MRGPRX2: variants seen among roughly 807,000 people sequenced by gnomAD.
The protein encoded by MRGPRX2 is MAS related GPR family member X2.
For synonymous variants in MRGPRX2, 183 were observed against 175.6 expected (o/e 1.04, Z -0.33); for missense variants, 389 against 404.5 (o/e 0.96, Z 0.33).
rs1465869357 is a variant in MRGPRX2, at chr11:19,057,889, C to G, written c.-25-1462G>C. Among the ~76,000 whole-genome samples the G allele has an allele frequency of 2.0e-5, 3 of 152,310 alleles. No homozygotes were observed. In the South Asian group the frequency reaches 6.2e-4, roughly 32 times the overall value. On this transcript the variant is annotated intron_variant, in intron 1 of 1. Coordinates refer to ENST00000329773, the MANE Select transcript of MRGPRX2 (RefSeq NM_054030.4). ...AGGTCTCACAAACAAGTGGTAGAGCCTGCATTTGAACCCACAGGTCTGTGT... is the reference window on the plus strand; with the variant it reads ...AGGTCTCACAAACAAGTGGTAGAGCGTGCATTTGAACCCACAGGTCTGTGT...
At position 19,055,710 on chromosome 11, in the gene MRGPRX2, C is replaced by T; in HGVS notation, c.693G>A (p.Val231=). 1.2e-6 allele frequency: 2 copies of T among 1,614,218 alleles called. No individual in the cohort carries two copies. The highest frequency in any genetic ancestry group is 1.7e-6 in the Non-Finnish European group (2 of 1,180,040). The change falls in exon 2 of 2, where the codon GTG becomes GTA. Residue 231 remains valine, a synonymous_variant. Transcript: ENST00000329773. The part of the protein sequence containing the change: ...LYLTILLTVL[V]FLLCGLPFGI... ...CAAAGGGCAGGCCGCAGAGGAGGAA[C>T]ACCAGCACTGTGAGCAGGATGGTCA...
At chr11:19,057,727 A>G (rs1849632294) in intron 1 of MRGPRX2, among the ~76,000 whole-genome samples, 1 of 152,254 alleles carries the variant, frequency 6.6e-6, no homozygotes, top group African/African-American at 2.4e-5. Flanking sequence ...AATGGGGTGA[A>G]TAATAGCAGC....
chr11:19,055,256 G>A lies in MRGPRX2; in HGVS notation c.*154C>T, dbSNP rs980537728. ...CAGTTCCAGAGACACTGCACTTAGT[G>A]TTTGTTTCATAGGCACTGTCTCACT... On this transcript the variant is annotated 3_prime_UTR_variant, in exon 2 of 2. Transcript: ENST00000329773. The A allele has an allele frequency of 4.2e-5, 32 of 757,298 alleles. No individual in the cohort carries two copies. The African/African-American group carries it at 5.2e-4, about 12-fold the overall frequency. 46.9% of individuals were successfully genotyped at this position (757,298 alleles called of 1,614,324 possible). A position where few individuals can be genotyped will look rare whatever the true frequency, so the allele number is the denominator to read the frequency against.
intron 1 of MRGPRX2, among the ~76,000 whole-genome samples, chr11:19,057,455 AGGAG>A (rs1428418075): frequency 6.6e-6 from 1 of 152,168 alleles, no homozygotes. Context: ...ATTTGGGAAA[AGGAG>A]AGAGAGGCAG....
In MRGPRX2 at chr11:19,056,114, T is replaced by C; in HGVS notation, c.289A>G (p.Ile97Val). 6.2e-7 allele frequency: 1 copy of C among 1,614,108 alleles called. No homozygotes were observed. Among genetic ancestry groups the C allele is most frequent in the Non-Finnish European group, 8.5e-7 (1 of 1,180,020 alleles). The part of the protein sequence containing the change: ...LVYLSNFFCS[I>V]SINFPSFFTT... ...AAGAAGCTAGGGAAATTGATGGAGA[T>C]GGAACAGAAGAAGTTACTGAGGTAC... Residue 97 changes from isoleucine to valine, a missense_variant, in exon 2 of 2, where the codon ATC (isoleucine) becomes GTC (valine). Coordinates refer to ENST00000329773, the MANE Select transcript of MRGPRX2 (RefSeq NM_054030.4).
Position 19,055,159 on chromosome 11 carries a change from A to C in MRGPRX2, c.*251T>G. ...TTCTGCGAAAGGTAGGATTCATTAA[A>C]AGTGGGAACAGTCATGGACCGCAGA... is the stretch of plus-strand genomic sequence containing the variant. On this transcript the variant is annotated 3_prime_UTR_variant, in exon 2 of 2. Transcript: ENST00000329773. 1 of 403,554 alleles carries C rather than the reference A, an allele frequency of 2.5e-6. No homozygotes were observed. The highest frequency in any genetic ancestry group is 3.9e-5 in the Admixed American group (1 of 25,874). The allele number at this position is 403,554 out of a possible 1,614,324, so 25.0% of individuals were successfully genotyped here. A position where few individuals can be genotyped will look rare whatever the true frequency, so the allele number is the denominator to read the frequency against.
chr11:19,055,668 T>C lies in MRGPRX2; in HGVS notation c.735A>G (p.Leu245=), dbSNP rs756987814. ...CAGAATCCTTCCAGATCCATAATATTAGGAACCACTGAATGCCAAAGGGCA... is the reference window on the plus strand; with the variant it reads ...CAGAATCCTTCCAGATCCATAATATCAGGAACCACTGAATGCCAAAGGGCA... ...CGLPFGIQWF[L]ILWIWKDSDV... The change falls in exon 2 of 2, where the codon CTA becomes CTG. Residue 245 remains leucine (L), a synonymous_variant. Coordinates refer to ENST00000329773, the MANE Select transcript of MRGPRX2 (RefSeq NM_054030.4). 2 of 1,614,072 alleles carry C rather than the reference T, an allele frequency of 1.2e-6. No individual in the cohort carries two copies. Among genetic ancestry groups the C allele is most frequent in the Non-Finnish European group, 8.5e-7 (1 of 1,180,018 alleles).
Position 19,055,377 on chromosome 11 carries a change from C to T in MRGPRX2, c.*33G>A, listed in dbSNP as rs368447192. 1 of 1,569,626 alleles carries T rather than the reference C, an allele frequency of 6.4e-7. No homozygotes were observed. Among genetic ancestry groups the T allele is most frequent in the Non-Finnish European group, 8.7e-7 (1 of 1,155,226 alleles). On this transcript the variant is annotated 3_prime_UTR_variant, in exon 2 of 2. Coordinates refer to ENST00000329773, the MANE Select transcript of MRGPRX2 (RefSeq NM_054030.4). ...GGGGCAAAGTTGCCTCTCAAAGCCA[C>T]ATATATCTGATGGAAGTAGAGGCTG...
Position 19,055,450 on chromosome 11 carries a change from C to CG in MRGPRX2, c.952dup (p.Arg318ProfsTer40). On this transcript the variant is annotated frameshift_variant, in exon 2 of 2. Transcript: ENST00000329773. LOFTEE classifies it low-confidence loss of function (END_TRUNC). ...TCTCGACATCTCCGGGGTGCCCTGA[C>CG]GGAAGCATCCTTCACTGTGATCCAC... is the stretch of plus-strand genomic sequence containing the variant. 2 of 1,610,890 alleles carry CG rather than the reference C, an allele frequency of 1.2e-6. No homozygotes were observed. The highest frequency in any genetic ancestry group is 4.5e-5 in the East Asian group (2 of 44,784).
intron 1 of MRGPRX2, among the ~76,000 whole-genome samples, chr11:19,060,191 T>A (rs1038468622): frequency 4.6e-5 from 7 of 152,228 alleles, no homozygotes; most frequent in Non-Finnish European, 1.0e-4. Flanking sequence ...GTCTCTTCAC[T>A]AAACTCCTCT....
rs753004190 is a variant in MRGPRX2 at position 19,055,392 on chromosome 11, A to G, written c.*18T>C. ...CTCAAAGCCACATATATCTGATGGA[A>G]GTAGAGGCTGTCCATCTCTACACCA... On this transcript the variant is annotated 3_prime_UTR_variant, in exon 2 of 2. Transcript: ENST00000329773. 6.2e-5 allele frequency: 98 copies of G among 1,585,922 alleles called. No homozygotes were observed. Among genetic ancestry groups the G allele is most frequent in the Non-Finnish European group, 8.4e-5 (97 of 1,161,602 alleles).
intron 1 of MRGPRX2, among the ~76,000 whole-genome samples, chr11:19,059,694 G>A (rs538395684): frequency 7.6e-6 from 1 of 131,678 alleles, no homozygotes; most frequent in African/African-American, 2.5e-5. Flanking sequence ...CTGAGAAGAG[G>A]CTATGGGAAG....
chr11:19,059,124 G>C (rs948120485), intron 1 of MRGPRX2, among the ~76,000 whole-genome samples: 1 of 152,286 alleles, frequency 6.6e-6, no homozygotes, highest in Admixed American at 6.5e-5. Flanking sequence ...TAATAATTCT[G>C]AGTCTTAGAT....
At position 19,055,475 on chromosome 11, in the gene MRGPRX2, C is replaced by G; in HGVS notation, c.928G>C (p.Val310Leu). 8 of 1,614,044 alleles carry G rather than the reference C, an allele frequency of 5.0e-6. No individual in the cohort carries two copies. The highest frequency in any genetic ancestry group is 6.8e-6 in the Non-Finnish European group (8 of 1,179,890). The change falls in exon 2 of 2, where the codon GTG becomes CTG. Residue 310 changes from valine to leucine, a missense_variant. Val to Leu is a conservative substitution (Grantham distance 32, BLOSUM62 1). Coordinates refer to ENST00000329773, the MANE Select transcript of MRGPRX2 (RefSeq NM_054030.4). ...LQRALQDIAE[V>L]DHSEGCFRQG... is the part of the protein sequence containing the mutation. ...CGGAAGCATCCTTCACTGTGATCCA[C>G]CTCAGCAATGTCCTGCAGAGCCCTC...
rs1026308961 is a variant in MRGPRX2 at position 19,055,201 on chromosome 11, T to C, written c.*209A>G. ...GACCGCAGAGTTGGCAAAGCTCTCA[T>C]AGGGCTGTGGTGGAAGCCTGTGAGT... On this transcript the variant is annotated 3_prime_UTR_variant, in exon 2 of 2. Coordinates refer to ENST00000329773, the MANE Select transcript of MRGPRX2 (RefSeq NM_054030.4). 56 of 543,590 alleles carry C rather than the reference T, an allele frequency of 1.0e-4. No homozygotes were observed. The highest frequency in any genetic ancestry group is 9.4e-5 in the Admixed American group (3 of 31,894). The allele number at this position is 543,590 out of a possible 1,614,324, so 33.7% of individuals were successfully genotyped here.
intron 1 of MRGPRX2, among the ~76,000 whole-genome samples, chr11:19,057,938 C>T (rs1849633711): frequency 6.6e-6 from 1 of 152,216 alleles, no homozygotes; most frequent in Admixed American, 6.5e-5. Context: ...CTTAACCAGC[C>T]TTGCAGCCCC....
At position 19,056,094 on chromosome 11, in the gene MRGPRX2, G is replaced by A; in HGVS notation, c.309C>T (p.Ser103=). ...FFCSISINFP[S]FFTTVMTCAY... is the part of the protein sequence containing the mutation. ...CACAGGTCATCACAGTGGTGAAGAA[G>A]CTAGGGAAATTGATGGAGATGGAAC... The change falls in exon 2 of 2, where the codon AGC becomes AGT. Residue 103 remains serine (S), a synonymous_variant. Transcript: ENST00000329773. 1 of 1,614,248 alleles carries A rather than the reference G, an allele frequency of 6.2e-7. No homozygotes were observed. The highest frequency in any genetic ancestry group is 8.5e-7 in the Non-Finnish European group (1 of 1,180,048).
Position 19,055,761 on chromosome 11 carries a change from C to G in MRGPRX2, c.642G>C (p.Arg214Ser). 6.2e-7 allele frequency: 1 copy of G among 1,614,152 alleles called. No homozygotes were observed. Among genetic ancestry groups the G allele is most frequent in the African/African-American group, 1.3e-5 (1 of 75,032 alleles). Residue 214 changes from arginine to serine, a missense_variant, in exon 2 of 2, where the codon AGG becomes AGC. Transcript: ENST00000329773. ...ALLVRILCGS[R>S]GLPLTRLYLT... ...GGTACAGCCTGGTCAGTGGCAGACC[C>G]CTGGAGCCACAGAGGATCCTGACCA...
rs7112385 is a variant in MRGPRX2, at chr11:19,055,095, T to A, written c.*315A>T. The A allele has an allele frequency of 0.28, 69,227 of 246,100 alleles. 10,303 individuals carry two copies. The highest frequency in any genetic ancestry group is 0.4 in the African/African-American group (17,916 of 45,314). 15.2% of individuals were successfully genotyped at this position (246,100 alleles called of 1,614,324 possible). On this transcript the variant is annotated 3_prime_UTR_variant, in exon 2 of 2. Transcript: ENST00000329773. ...CTTTGAGTCCCTATCAAGTGCAGTG[T>A]CCAAAGAAATGTAGATCTTTTCTGC...
Sources: gnomAD v4.1 joint callset for allele counts (sites outside exome capture counted in the v4.1 genomes callset) on GRCh38, gnomAD v4.1.1 for gene constraint, MANE v1.5 for transcripts, NCBI Gene and HGNC (gene_info 2026-07-23, HGNC 2026-07-21) for gene names.